Variants in STAB2 observed in about 807,000 individuals in gnomAD.
The protein encoded by STAB2 is stabilin-2.
In STAB2, 288 loss-of-function variants were observed where a neutral mutation model predicts 338.1. The ratio of observed to expected loss-of-function variants is 0.85; its 90% CI spans 0.77 to 0.94. The LOEUF (loss-of-function observed/expected upper bound fraction) is 0.94, where lower values mean the gene tolerates loss of function less well. Ranked by LOEUF, STAB2 falls within the 40% of genes least tolerant of loss-of-function variation. The pLI is 0.00. For synonymous variants in STAB2, 1,202 were observed against 1,193.3 expected, an observed-to-expected ratio of 1.01 and a Z score of -0.15; for missense variants, 3,141 against 3,210.1, an observed-to-expected ratio of 0.98 and a Z score of 0.52.
rs913148975 is a variant in STAB2, at chr12:103,731,479, G to A, written c.5224-97G>A. On this transcript the variant is annotated intron_variant, in intron 49 of 68. Coordinates refer to ENST00000388887, the MANE Select transcript of STAB2 (RefSeq NM_017564.10). Reference sequence around the variant, plus strand: ...ATGAGCCCATCTATGTATCCGTCAGGTTATGTTACCTTTACTTTTTTTCAC... The same window carrying A: ...ATGAGCCCATCTATGTATCCGTCAGATTATGTTACCTTTACTTTTTTTCAC... The A allele has an allele frequency of 3.9e-6, 5 of 1,292,470 alleles. No individual in the cohort carries two copies. In the Admixed American group the frequency reaches 6.2e-5, roughly 16 times the overall value. 80.1% of individuals were successfully genotyped at this position (1,292,470 alleles called of 1,614,324 possible). A position where few individuals can be genotyped will look rare whatever the true frequency, so the allele number is the denominator to read the frequency against.
intron 12 of STAB2, among the ~76,000 whole-genome samples, chr12:103,654,163 A>G (rs1873999424): frequency 6.6e-6 from 1 of 152,236 alleles, no homozygotes; most frequent in South Asian, 2.1e-4. Flanking sequence ...AGGAAGAAGG[A>G]ATTAGCTTCA....
intron 39 of STAB2, 115 bp downstream of exon 39, chr12:103,708,651 A>G: frequency 1.0e-6 from 1 of 978,312 alleles, no homozygotes; most frequent in Non-Finnish European, 1.5e-6. Context: ...GGCAATAAAC[A>G]TGATTCTTTC....
rs544882946 is a variant in STAB2 at position 103,688,368 on chromosome 12, T to A, written c.3045+153T>A. On this transcript the variant is annotated intron_variant, in intron 28 of 68. Transcript: ENST00000388887. ...ACGCTGGCTGCACTGTGGAACCACA[T>A]GGAACACATTTTTAAAAAATATTCC... Among the ~76,000 whole-genome samples, 4 of 152,264 alleles carry A rather than the reference T, an allele frequency of 2.6e-5. No individual in the cohort carries two copies. In the South Asian group the frequency reaches 8.3e-4, roughly 32 times the overall value.
rs1884536070 is a variant in STAB2, at chr12:103,761,483, C to T, written c.7359+73C>T. ...CCACTCACCAACAGGCAAACCATTA[C>T]CAGAAGCCCTGTCCTCCTCCCTCTT... is the stretch of plus-strand genomic sequence containing the variant. On this transcript the variant is annotated intron_variant, in intron 66 of 68. Coordinates refer to ENST00000388887, the MANE Select transcript of STAB2 (RefSeq NM_017564.10). 9 of 1,325,644 alleles carry T rather than the reference C, an allele frequency of 6.8e-6. No homozygotes were observed. The South Asian group carries it at 9.6e-5, about 14-fold the overall frequency. The allele number at this position is 1,325,644 out of a possible 1,614,324, so 82.1% of individuals were successfully genotyped here.
intron 9 of STAB2, among the ~76,000 whole-genome samples, chr12:103,645,851 T>C (rs1873287936): frequency 6.7e-6 from 1 of 150,014 alleles, no homozygotes; most frequent in Non-Finnish European, 1.5e-5. Flanking sequence ...CAACCAAGGA[T>C]GTCTCTAGAC....
At position 103,712,432 on chromosome 12, in the gene STAB2, C is replaced by T; in HGVS notation, c.4400C>T (p.Thr1467Ile). The T allele has an allele frequency of 6.2e-7, 1 of 1,613,630 alleles. No homozygotes were observed. The highest frequency in any genetic ancestry group is 1.7e-5 in the Admixed American group (1 of 60,026). The change falls in exon 41 of 69, where the codon ACC becomes ATC. Residue 1467 changes from threonine to isoleucine, a missense_variant. Thr to Ile is a moderately conservative substitution (Grantham distance 89). Transcript: ENST00000388887. ...KCAAGFQGNG[T>I]ICTAINACEI... is the part of the protein sequence containing the mutation. ...GCAGCAGGATTCCAAGGAAACGGGACCATCTGCACAGGCAAGCGAAGGAAG... is the reference window on the plus strand; with the variant it reads ...GCAGCAGGATTCCAAGGAAACGGGATCATCTGCACAGGCAAGCGAAGGAAG...
chr12:103,606,903 G>A (rs957832532), intron 3 of STAB2, among the ~76,000 whole-genome samples: 1 of 152,156 alleles, frequency 6.6e-6, no homozygotes. Flanking sequence ...AGAATTGCTT[G>A]AACTCGGGAG....
chr12:103,729,066 G>A, intron 48 of STAB2, 71 bp downstream of exon 48: 1 of 1,486,494 alleles, frequency 6.7e-7, no homozygotes, highest in Non-Finnish European at 9.3e-7. Context: ...GATGGAGCTG[G>A]AGGCCATCAT....
At position 103,703,150 on chromosome 12, in the gene STAB2, C is replaced by G. The variant is rs1390943013; in HGVS notation, c.3717C>G (p.Leu1239=). The change falls in exon 35 of 69, where the codon CTC becomes CTG. Residue 1239 remains leucine (L), a splice_region_variant and synonymous_variant. Coordinates refer to ENST00000388887, the MANE Select transcript of STAB2 (RefSeq NM_017564.10). Reference sequence around the variant, plus strand: ...ACATTTAACCCTGTTGTTCACAGCTCTATGTAAATGAGGCTCCAATAAACT... The same window carrying G: ...ACATTTAACCCTGTTGTTCACAGCTGTATGTAAATGAGGCTCCAATAAACT... The part of the protein sequence containing the change: ...FLSFFLHNDQ[L]YVNEAPINYT... 6.2e-7 allele frequency: 1 copy of G among 1,613,180 alleles called. No individual in the cohort carries two copies. Among genetic ancestry groups the G allele is most frequent in the East Asian group, 2.2e-5 (1 of 44,870 alleles).
rs946837379 is a variant in STAB2, at chr12:103,716,640, TTG to T, written c.4611+754_4611+755del. On this transcript the variant is annotated intron_variant, in intron 43 of 68. Transcript: ENST00000388887. Reference sequence around the variant, plus strand: ...AGTACGCAAAAATAAGGAAAAAAAATTGTCTTGAAAGAACTGTGTGAGCACAC... The same window carrying T: ...AGTACGCAAAAATAAGGAAAAAAAATTCTTGAAAGAACTGTGTGAGCACAC... Among the ~76,000 whole-genome samples, 192 of 152,206 alleles carry T rather than the reference TTG, an allele frequency of 1.3e-3. 1 individual carries two copies. The highest frequency in any genetic ancestry group is 4.5e-3 in the African/African-American group (186 of 41,534).
intron 20 of STAB2, chr12:103,669,115 G>A: frequency 4.0e-6 from 1 of 250,342 alleles, no homozygotes; most frequent in East Asian, 8.8e-5. Flanking sequence ...AACCAGCACT[G>A]TCACCACCAA....
Position 103,759,180 on chromosome 12 carries a change from G to T in STAB2, c.7155G>T (p.Met2385Ile), listed in dbSNP as rs779967231. ...AGCACCACCTCGCCAATGTCAGCAT[G>T]TTTTTCTACAATGACCTTGTCAATG... ...DIEHHLANVSMFFYNDLVNGT... is the reference protein window; with the variant it reads ...DIEHHLANVSIFFYNDLVNGT... Residue 2385 changes from methionine to isoleucine, a missense_variant, in exon 65 of 69, where the codon ATG becomes ATT. By Grantham distance (10) the Met-to-Ile change is conservative. Coordinates refer to ENST00000388887, the MANE Select transcript of STAB2 (RefSeq NM_017564.10). 1 of 1,614,196 alleles carries T rather than the reference G, an allele frequency of 6.2e-7. No homozygotes were observed. The highest frequency in any genetic ancestry group is 1.1e-5 in the South Asian group (1 of 91,086).
chr12:103,755,265 T>C, intron 61 of STAB2, 37 bp from the exon 62 acceptor site: 1 of 1,605,158 alleles, frequency 6.2e-7, no homozygotes, highest in Non-Finnish European at 8.5e-7. Context: ...ACACATGAAC[T>C]TGCAGCTGAC....
intron 46 of STAB2, among the ~76,000 whole-genome samples, 172 bp from the exon 47 acceptor site, chr12:103,727,095 C>T (rs1881267311): frequency 6.6e-6 from 1 of 152,180 alleles, no homozygotes; most frequent in Non-Finnish European, 1.5e-5. Flanking sequence ...GAAAACCACA[C>T]ACAATTTCAA....
intron 25 of STAB2, among the ~76,000 whole-genome samples, chr12:103,677,994 G>A (rs1378390079): frequency 6.6e-6 from 1 of 152,124 alleles, no homozygotes; most frequent in African/African-American, 2.4e-5. Flanking sequence ...GAAGGCTACT[G>A]CTTAAAAATT....
At chr12:103,665,786 G>A (rs1875034708) in intron 18 of STAB2, among the ~76,000 whole-genome samples, 1 of 152,146 alleles carries the variant, frequency 6.6e-6, no homozygotes, top group Admixed American at 6.5e-5. Flanking sequence ...AGAAATTGGA[G>A]GCACACTCCC....
chr12:103,727,386 G>A, intron 47 of STAB2, 36 bp downstream of exon 47: 7 of 1,609,334 alleles, frequency 4.3e-6, no homozygotes, highest in Non-Finnish European at 6.0e-6. Flanking sequence ...GGGGAGGTCT[G>A]CGGCTGGAAC....
intron 17 of STAB2, among the ~76,000 whole-genome samples, chr12:103,661,733 A>C (rs1874637931): frequency 6.6e-6 from 1 of 152,218 alleles, no homozygotes; most frequent in East Asian, 1.9e-4. Context: ...AACAGTGTGA[A>C]TATCCGGGGG....
At chr12:103,616,665 C>T (rs921687368) in intron 3 of STAB2, among the ~76,000 whole-genome samples, 28 of 152,234 alleles carry the variant, frequency 1.8e-4, no homozygotes, top group African/African-American at 6.8e-4. Flanking sequence ...ACCCAGAGAG[C>T]TCCTTGTACA....
Sources: gnomAD v4.1 joint callset for allele counts (sites outside exome capture counted in the v4.1 genomes callset) on GRCh38, gnomAD v4.1.1 for gene constraint, MANE v1.5 for transcripts, NCBI Gene and HGNC (gene_info 2026-07-23, HGNC 2026-07-21) for gene names.